Variants in FAM47C observed in about 807,000 individuals in gnomAD.
FAM47C encodes the protein putative protein FAM47C.
For synonymous variants in FAM47C, 307 were observed against 346.5 expected (o/e 0.89, Z 1.27); for missense variants, 847 against 879.9 (o/e 0.96, Z 0.47).
rs1254907184 is a variant in FAM47C, at chrX:37,010,675, T to A, written c.2265T>A (p.Leu755=). 13 of 1,134,055 alleles carry A rather than the reference T, an allele frequency of 1.1e-5. No homozygotes were observed. Among genetic ancestry groups the A allele is most frequent in the Non-Finnish European group, 1.4e-5 (12 of 852,576 alleles). The allele number at this position is 1,134,055 out of a possible 1,213,427, so 93.5% of individuals were successfully genotyped here. ...TTTCCAGTCTCCGCCCAGAGCCTCT[T>A]GAGACTCGCGTATCTCATCTCCGCC... is the stretch of plus-strand genomic sequence containing the variant. The part of the protein sequence containing the change: ...PRVSSLRPEP[L]ETRVSHLRPE... The change falls in exon 1 of 1, where the codon CTT becomes CTA. Residue 755 remains leucine (L), a synonymous_variant. Coordinates refer to ENST00000358047, the MANE Select transcript of FAM47C (RefSeq NM_001013736.3).
rs1194347509 is a variant in FAM47C at position 37,010,193 on chromosome X, C to T, written c.1783C>T (p.Pro595Ser). The change falls in exon 1 of 1, where the codon CCC becomes TCC. Residue 595 changes from proline to serine, a missense_variant. Pro to Ser is a moderately conservative substitution (Grantham distance 74, BLOSUM62 -1). Transcript: ENST00000358047. ...EPPKTRVSSL[P>S]PEPPETGVSH... ...TCCCAAGACTCGGGTGTCCAGTCTC[C>T]CCCCGGAGCCCCCCGAGACTGGAGT... The T allele has an allele frequency of 1.3e-5, 15 of 1,174,947 alleles. No homozygotes were observed. Among genetic ancestry groups the T allele is most frequent in the East Asian group, 3.1e-5 (1 of 32,598 alleles).
chrX:37,011,642 T>G lies in FAM47C; in HGVS notation c.*124T>G, dbSNP rs1344745640. ...CAACATCTGTAAATTCAATACCTAATGTTTATAAATATTTCTTAATGACCT... is the reference window on the plus strand; with the variant it reads ...CAACATCTGTAAATTCAATACCTAAGGTTTATAAATATTTCTTAATGACCT... On this transcript the variant is annotated 3_prime_UTR_variant, in exon 1 of 1. Coordinates refer to ENST00000358047, the MANE Select transcript of FAM47C (RefSeq NM_001013736.3). The G allele has an allele frequency of 1.3e-5, 7 of 554,873 alleles. No individual in the cohort carries two copies. Among genetic ancestry groups the G allele is most frequent in the Non-Finnish European group, 1.9e-5 (7 of 365,067 alleles). The allele number at this position is 554,873 out of a possible 1,213,427, so 45.7% of individuals were successfully genotyped here. A position where few individuals can be genotyped will look rare whatever the true frequency, so the allele number is the denominator to read the frequency against.
In FAM47C at chrX:37,009,318, T is replaced by A. The variant is rs782081819; in HGVS notation, c.908T>A (p.Val303Glu). 61 of 1,203,320 alleles carry A rather than the reference T, an allele frequency of 5.1e-5. No homozygotes were observed. The highest frequency in any genetic ancestry group is 5.7e-5 in the Non-Finnish European group (51 of 893,230). ...CATCGGGAGCCTCCTGAGACTGGAG[T>A]GCCTGATCTCTGCCTGGAGCCTCCC... ...HLHREPPETGVPDLCLEPPKS... is the reference protein window; with the variant it reads ...HLHREPPETGEPDLCLEPPKS... Residue 303 changes from valine (V) to glutamate (E), a missense_variant, in exon 1 of 1, where the codon GTG becomes GAG. Transcript: ENST00000358047.
At position 37,009,431 on chromosome X, in the gene FAM47C, A is replaced by G. The variant is rs1470156597; in HGVS notation, c.1021A>G (p.Ser341Gly). The change falls in exon 1 of 1, where the codon AGT (serine) becomes GGT (glycine). Residue 341 changes from serine to glycine, a missense_variant. Ser to Gly is a moderately conservative substitution (Grantham distance 56). Coordinates refer to ENST00000358047, the MANE Select transcript of FAM47C (RefSeq NM_001013736.3). ...HPEPPKTLVS[S>G]LHPEPPETGV... ...AGAGCCTCCCAAGACTCTGGTGTCC[A>G]GTCTCCACCCAGAGCCTCCCGAGAC... 8.3e-7 allele frequency: 1 copy of G among 1,198,738 alleles called. No individual in the cohort carries two copies. The highest frequency in any genetic ancestry group is 1.1e-6 in the Non-Finnish European group (1 of 891,320).
chrX:37,008,813 C>T lies in FAM47C; in HGVS notation c.403C>T (p.Pro135Ser). 8.3e-7 allele frequency: 1 copy of T among 1,211,591 alleles called. No individual in the cohort carries two copies. The highest frequency in any genetic ancestry group is 1.1e-6 in the Non-Finnish European group (1 of 895,431). ...GACCAAGCATCCCTTGGCCATGTACCCCAATCTGGGAGAAGATATGCCTCC... is the reference window on the plus strand; with the variant it reads ...GACCAAGCATCCCTTGGCCATGTACTCCAATCTGGGAGAAGATATGCCTCC... ...LMTKHPLAMY[P>S]NLGEDMPPDL... Residue 135 changes from proline (P) to serine (S), a missense_variant, in exon 1 of 1, where the codon CCC (proline) becomes TCC (serine). Transcript: ENST00000358047.
In FAM47C at chrX:37,011,228, G is replaced by C; in HGVS notation, c.2818G>C (p.Ala940Pro). 1.7e-6 allele frequency: 2 copies of C among 1,211,484 alleles called. No individual in the cohort carries two copies. Among genetic ancestry groups the C allele is most frequent in the Non-Finnish European group, 2.2e-6 (2 of 895,333 alleles). Residue 940 changes from alanine to proline, a missense_variant, in exon 1 of 1, where the codon GCA (alanine) becomes CCA (proline). Ala to Pro is a conservative substitution (Grantham distance 27). Transcript: ENST00000358047. ...ACAGCATGTGAAGATGGGGTATGGA[G>C]CATGGTACCTCAAGCCTAAGTTGGG... ...SAQHVKMGYG[A>P]WYLKPKLGKK...
chrX:37,009,544 C>G lies in FAM47C; in HGVS notation c.1134C>G (p.Leu378=). The change falls in exon 1 of 1, where the codon CTC becomes CTG. Residue 378 remains leucine (L), a synonymous_variant. Transcript: ENST00000358047. The part of the protein sequence containing the change: ...QLPPEAGVSH[L]CPEPPKTRVP... Reference sequence around the variant, plus strand: ...CTCCCGAGGCTGGAGTGTCCCATCTCTGCCCGGAACCTCCCAAGACTCGCG... The same window carrying G: ...CTCCCGAGGCTGGAGTGTCCCATCTGTGCCCGGAACCTCCCAAGACTCGCG... 8.3e-7 allele frequency: 1 copy of G among 1,209,647 alleles called. No individual in the cohort carries two copies. Among genetic ancestry groups the G allele is most frequent in the African/African-American group, 1.7e-5 (1 of 57,235 alleles).
At position 37,011,412 on chromosome X, in the gene FAM47C, T is replaced by G; in HGVS notation, c.3002T>G (p.Phe1001Cys). 4 of 1,212,113 alleles carry G rather than the reference T, an allele frequency of 3.3e-6. No individual in the cohort carries two copies. The highest frequency in any genetic ancestry group is 4.5e-6 in the Non-Finnish European group (4 of 895,548). Residue 1001 changes from phenylalanine (F) to cysteine (C), a missense_variant, in exon 1 of 1, where the codon TTT (phenylalanine) becomes TGT (cysteine). Phe to Cys is a radical substitution (Grantham distance 205). Coordinates refer to ENST00000358047, the MANE Select transcript of FAM47C (RefSeq NM_001013736.3). The part of the protein sequence containing the change: ...YEMPGIIQRL[F>C]ARRGWTYDSV... ...ATGCCTGGCATCATTCAAAGGCTGTTTGCCAGGAGGGGATGGACTTATGAC... is the reference window on the plus strand; with the variant it reads ...ATGCCTGGCATCATTCAAAGGCTGTGTGCCAGGAGGGGATGGACTTATGAC...
At position 37,008,369 on chromosome X, in the gene FAM47C, A is replaced by C; in HGVS notation, c.-42A>C. The C allele has an allele frequency of 9.0e-5, 102 of 1,130,589 alleles. No homozygotes were observed. Among genetic ancestry groups the C allele is most frequent in the Non-Finnish European group, 1.1e-4 (96 of 849,855 alleles). The allele number at this position is 1,130,589 out of a possible 1,213,427, so 93.2% of individuals were successfully genotyped here. ...AGCGACTAGAGCGTCAGGGATCAGGAACCGCGGAAACTGGAGAGGTGGCAC... is the reference window on the plus strand; with the variant it reads ...AGCGACTAGAGCGTCAGGGATCAGGCACCGCGGAAACTGGAGAGGTGGCAC... On this transcript the variant is annotated 5_prime_UTR_variant, in exon 1 of 1. Coordinates refer to ENST00000358047, the MANE Select transcript of FAM47C (RefSeq NM_001013736.3).
rs375043912 is a variant in FAM47C at position 37,008,591 on chromosome X, G to A, written c.181G>A (p.Gly61Ser). The A allele has an allele frequency of 1.5e-5, 18 of 1,211,392 alleles. No homozygotes were observed. Among genetic ancestry groups the A allele is most frequent in the Non-Finnish European group, 1.9e-5 (17 of 895,468 alleles). ...VTEGMDDFRY[G>S]CQSPEDTLVC... is the part of the protein sequence containing the mutation. ...GGAGGGCATGGACGACTTCCGCTAC[G>A]GCTGTCAGTCTCCTGAAGATACGCT... is the stretch of plus-strand genomic sequence containing the variant. Residue 61 changes from glycine to serine, a missense_variant, in exon 1 of 1, where the codon GGC (glycine) becomes AGC (serine). Coordinates refer to ENST00000358047, the MANE Select transcript of FAM47C (RefSeq NM_001013736.3).
rs1187845178 is a variant in FAM47C, at chrX:37,011,599, A to G, written c.*81A>G. 4.5e-6 allele frequency: 4 copies of G among 893,620 alleles called. No homozygotes were observed. In the African/African-American group the frequency reaches 8.0e-5, roughly 18 times the overall value. The allele number at this position is 893,620 out of a possible 1,213,427, so 73.6% of individuals were successfully genotyped here. ...GTCAGAATTTATGATGACTGGCCCC[A>G]GGAATGTACAACGTTGGCAACATCT... On this transcript the variant is annotated 3_prime_UTR_variant, in exon 1 of 1. Transcript: ENST00000358047.
rs782736285 is a variant in FAM47C, at chrX:37,010,698, G to A, written c.2288G>A (p.Arg763His). 5.1e-5 allele frequency: 61 copies of A among 1,202,834 alleles called. No individual in the cohort carries two copies. Among genetic ancestry groups the A allele is most frequent in the Non-Finnish European group, 6.4e-5 (57 of 893,226 alleles). ...EPLETRVSHL[R>H]PEPPETGVSH... The stretch of plus-strand genomic sequence containing the variant: ...CTTGAGACTCGCGTATCTCATCTCC[G>A]CCCGGAGCCTCCTGAGACTGGAGTG... Residue 763 changes from arginine (R) to histidine (H), a missense_variant, in exon 1 of 1, where the codon CGC becomes CAC. Physicochemically the swap from Arg to His is conservative, Grantham distance 29. Transcript: ENST00000358047.
In FAM47C at chrX:37,010,420, C is replaced by A; in HGVS notation, c.2010C>A (p.Pro670=). 3 of 1,043,240 alleles carry A rather than the reference C, an allele frequency of 2.9e-6. No homozygotes were observed. The highest frequency in any genetic ancestry group is 3.8e-6 in the Non-Finnish European group (3 of 798,848). The allele number at this position is 1,043,240 out of a possible 1,213,427, so 86.0% of individuals were successfully genotyped here. ...GGGTGTCCAGTCTCCCCCCGGAGCC[C>A]CCCGAGACTGGAGTGTCCCATCTCT... The part of the protein sequence containing the change: ...KTRVSSLPPE[P]PETGVSHLCP... The change falls in exon 1 of 1, where the codon CCC becomes CCA. Residue 670 remains proline (P), a synonymous_variant. Coordinates refer to ENST00000358047, the MANE Select transcript of FAM47C (RefSeq NM_001013736.3).
Position 37,008,913 on chromosome X carries a change from A to T in FAM47C, c.503A>T (p.Gln168Leu). 8.3e-7 allele frequency: 1 copy of T among 1,211,947 alleles called. No homozygotes were observed. The highest frequency in any genetic ancestry group is 1.1e-6 in the Non-Finnish European group (1 of 895,482). ...GAGGACGCAGGCTCTTGTGAGGGCC[A>T]GGAGAAGACAACTGACGAACCCACG... ...KLEDAGSCEG[Q>L]EKTTDEPTEP... Residue 168 changes from glutamine to leucine, a missense_variant, in exon 1 of 1, where the codon CAG (glutamine) becomes CTG (leucine). Coordinates refer to ENST00000358047, the MANE Select transcript of FAM47C (RefSeq NM_001013736.3).
At position 37,009,365 on chromosome X, in the gene FAM47C, C is replaced by T. The variant is rs200865878; in HGVS notation, c.955C>T (p.Arg319Cys). ...TCCCAAGTCACGCGTATCTCATCTC[C>T]GCCCAGAGCCTTCTGAGACTGGAGT... ...EPPKSRVSHLRPEPSETGVSH... is the reference protein window; with the variant it reads ...EPPKSRVSHLCPEPSETGVSH... Residue 319 changes from arginine (R) to cysteine (C), a missense_variant, in exon 1 of 1, where the codon CGC becomes TGC. Physicochemically the swap from Arg to Cys is radical, Grantham distance 180. Coordinates refer to ENST00000358047, the MANE Select transcript of FAM47C (RefSeq NM_001013736.3). 212 of 1,204,391 alleles carry T rather than the reference C, an allele frequency of 1.8e-4. 1 individual carries two copies. In the East Asian group the frequency reaches 5.3e-3, roughly 30 times the overall value.
Position 37,010,717 on chromosome X carries a change from T to C in FAM47C, c.2307T>C (p.Thr769=), listed in dbSNP as rs1556333137. Residue 769 remains threonine, a synonymous_variant, in exon 1 of 1, where the codon ACT becomes ACC. Transcript: ENST00000358047. The part of the protein sequence containing the change: ...VSHLRPEPPE[T]GVSHLHPELP... ...ATCTCCGCCCGGAGCCTCCTGAGACTGGAGTGTCCCATCTCCACCCAGAGC... is the reference window on the plus strand; with the variant it reads ...ATCTCCGCCCGGAGCCTCCTGAGACCGGAGTGTCCCATCTCCACCCAGAGC... 1 of 1,210,166 alleles carries C rather than the reference T, an allele frequency of 8.3e-7. No homozygotes were observed. Among genetic ancestry groups the C allele is most frequent in the Non-Finnish European group, 1.1e-6 (1 of 895,096 alleles).
chrX:37,008,383 G>A lies in FAM47C; in HGVS notation c.-28G>A. On this transcript the variant is annotated 5_prime_UTR_variant, in exon 1 of 1. Transcript: ENST00000358047. ...CAGGGATCAGGAACCGCGGAAACTGGAGAGGTGGCACCCCAGCGAGGGCCA... is the reference window on the plus strand; with the variant it reads ...CAGGGATCAGGAACCGCGGAAACTGAAGAGGTGGCACCCCAGCGAGGGCCA... 1 of 1,162,177 alleles carries A rather than the reference G, an allele frequency of 8.6e-7. No individual in the cohort carries two copies. The highest frequency in any genetic ancestry group is 1.2e-6 in the Non-Finnish European group (1 of 868,000).
rs782553075 is a variant in FAM47C, at chrX:37,010,145, G to A, written c.1735G>A (p.Val579Met). Residue 579 changes from valine (V) to methionine (M), a missense_variant, in exon 1 of 1, where the codon GTG (valine) becomes ATG (methionine). Transcript: ENST00000358047. The part of the protein sequence containing the change: ...SLRPEPPDTG[V>M]SHLCPEPPKT... ...CCGCCCGGAGCCTCCCGATACTGGA[G>A]TGTCCCATCTCTGCCCAGAGCCTCC... 2 of 1,191,401 alleles carry A rather than the reference G, an allele frequency of 1.7e-6. No homozygotes were observed. The highest frequency in any genetic ancestry group is 1.8e-5 in the South Asian group (1 of 55,879).
At position 37,011,217 on chromosome X, in the gene FAM47C, T is replaced by C; in HGVS notation, c.2807T>C (p.Met936Thr). The C allele has an allele frequency of 1.7e-5, 21 of 1,211,213 alleles. No homozygotes were observed. Among genetic ancestry groups the C allele is most frequent in the Non-Finnish European group, 2.3e-5 (21 of 895,296 alleles). ...TCTCATAGTGCACAGCATGTGAAGA[T>C]GGGGTATGGAGCATGGTACCTCAAG... is the stretch of plus-strand genomic sequence containing the variant. ...PNSHSAQHVK[M>T]GYGAWYLKPK... Residue 936 changes from methionine (M) to threonine (T), a missense_variant, in exon 1 of 1, where the codon ATG (methionine) becomes ACG (threonine). Transcript: ENST00000358047.
Sources: allele counts gnomAD v4.1 joint callset, GRCh38; gene constraint gnomAD v4.1.1; transcripts MANE v1.5; gene names NCBI Gene and HGNC (gene_info 2026-07-23, HGNC 2026-07-21).